LNX2: variants seen among roughly 807,000 people sequenced by gnomAD.
LNX2 encodes the protein ligand of numb-protein X 2, also known as ligand of Numb protein X 2.
A neutral mutation model predicts 66.2 loss-of-function variants in LNX2; 35 were observed. The observed-to-expected ratio is 0.53, with a 90% CI of 0.40 to 0.70. LNX2 has a LOEUF of 0.70. Among genes scored for constraint, LNX2 ranks in the 30% least tolerant of loss-of-function variants. The probability of loss-of-function intolerance (pLI) is 0.00; values close to 1 mark genes in which losing one functional copy is unlikely to be tolerated. For missense variants in LNX2, 791 were observed against 850.8 expected, an observed-to-expected ratio of 0.93 and a Z score of 0.87; for synonymous variants, 337 against 315.6, an observed-to-expected ratio of 1.07 and a Z score of -0.72.
intron 2 of LNX2, among the ~76,000 whole-genome samples, chr13:27,578,143 G>A (rs573509775): frequency 2.3e-4 from 35 of 152,080 alleles, no homozygotes; most frequent in Non-Finnish European, 4.0e-4. Flanking sequence ...TTTGTTAAGG[G>A]CAGGATTTCA....
At chr13:27,583,980 T>A (rs1955455080) in intron 1 of LNX2, among the ~76,000 whole-genome samples, 1 of 150,046 alleles carries the variant, frequency 6.7e-6, no homozygotes, top group South Asian at 2.1e-4. Context: ...AGAGAAAAAA[T>A]GGACAAGGGC....
At chr13:27,583,720 A>C (rs980130079) in intron 1 of LNX2, among the ~76,000 whole-genome samples, 6 of 152,218 alleles carry the variant, frequency 3.9e-5, no homozygotes, top group Admixed American at 2.0e-4. Context: ...AAATATTTAC[A>C]TAAGAAGAGA....
At chr13:27,597,250 A>T (rs1317741393) in intron 1 of LNX2, among the ~76,000 whole-genome samples, 1 of 152,212 alleles carries the variant, frequency 6.6e-6, no homozygotes, top group Non-Finnish European at 1.5e-5. Context: ...CTGCTATGAC[A>T]TATAGGAGAG....
intron 1 of LNX2, among the ~76,000 whole-genome samples, chr13:27,585,574 G>A (rs753481482): frequency 2.0e-5 from 3 of 152,046 alleles, no homozygotes; most frequent in Non-Finnish European, 4.4e-5. Context: ...TTTGAGCATC[G>A]TAACTTTTAA....
At chr13:27,550,634 A>G (rs1954996940) in intron 8 of LNX2, 143 bp from the exon 9 acceptor site, 1 of 649,094 alleles carries the variant, frequency 1.5e-6, no homozygotes, top group South Asian at 2.2e-5. Context: ...TATTTTGACA[A>G]TCCATCTTCT....
chr13:27,608,689 A>T (rs995747532), intron 1 of LNX2, among the ~76,000 whole-genome samples: 1 of 152,230 alleles, frequency 6.6e-6, no homozygotes, highest in Non-Finnish European at 1.5e-5. Flanking sequence ...GATATTGCTA[A>T]ATTTTAAATT....
chr13:27,612,161 G>A (rs538332005), intron 1 of LNX2, among the ~76,000 whole-genome samples: 1 of 152,322 alleles, frequency 6.6e-6, no homozygotes, highest in African/African-American at 2.4e-5. Context: ...AGACTATATA[G>A]AAGAGGTGGA....
At chr13:27,580,745 T>C (rs73446868) in intron 2 of LNX2, among the ~76,000 whole-genome samples, 1,732 of 152,330 alleles carry the variant, frequency 0.011, 35 homozygotes, top group African/African-American at 0.039. Context: ...AATGTATTTA[T>C]TTCCATATTG....
chr13:27,551,462 C>T (rs896585663), intron 8 of LNX2, among the ~76,000 whole-genome samples: 4 of 151,394 alleles, frequency 2.6e-5, no homozygotes, highest in African/African-American at 9.7e-5. Flanking sequence ...TGAGTAAAAT[C>T]TTAAAAACAA....
At chr13:27,567,095 T>A (rs1955215298) in intron 4 of LNX2, among the ~76,000 whole-genome samples, 2 of 151,880 alleles carry the variant, frequency 1.3e-5, no homozygotes, top group Admixed American at 1.3e-4. Flanking sequence ...AGAGTTAGAG[T>A]GTTTGCTGAG....
chr13:27,570,914 T>C (rs1035307312), intron 2 of LNX2, among the ~76,000 whole-genome samples: 7 of 152,286 alleles, frequency 4.6e-5, no homozygotes, highest in African/African-American at 4.8e-5. Context: ...AAACGAAATA[T>C]GTAAGGCCTA....
Position 27,575,794 on chromosome 13 carries a change from G to A in LNX2, c.407+5503C>T, listed in dbSNP as rs143348665. ...AGCTGGTATTCATTTAAAATAGACTGCTATAAACTAGGATGTTAATTGTAA... is the reference window on the plus strand; with the variant it reads ...AGCTGGTATTCATTTAAAATAGACTACTATAAACTAGGATGTTAATTGTAA... On this transcript the variant is annotated intron_variant, in intron 2 of 9. Transcript: ENST00000316334. 3.1e-3 allele frequency among the ~76,000 whole-genome samples: 478 copies of A among 152,192 alleles called. 2 individuals are homozygous for A. Among genetic ancestry groups the A allele is most frequent in the African/African-American group, 0.011 (455 of 41,522 alleles).
intron 1 of LNX2, among the ~76,000 whole-genome samples, chr13:27,612,334 C>T (rs979972047): frequency 2.0e-5 from 3 of 152,196 alleles, no homozygotes; most frequent in Non-Finnish European, 1.5e-5. Flanking sequence ...CCACCTCCTC[C>T]CCCTCCCTCA....
Position 27,583,211 on chromosome 13 carries a change from T to TGCGC in LNX2, c.-100-1409_-100-1408insGCGC, listed in dbSNP as rs1555268472. 5.7e-4 allele frequency among the ~76,000 whole-genome samples: 14 copies of TGCGC among 24,366 alleles called. 2 individuals are homozygous for TGCGC. The East Asian group carries it at 8.5e-3, about 15-fold the overall frequency. 16.0% of individuals were successfully genotyped at this position (24,366 alleles called of 152,430 possible). A position where few individuals can be genotyped will look rare whatever the true frequency, so the allele number is the denominator to read the frequency against. On this transcript the variant is annotated intron_variant, in intron 1 of 9. Transcript: ENST00000316334. ...GTGTGTGTGTGTGTGTGTGTGTGTG[T>TGCGC]GTGTGTGTGTGTGTGTGTGTGTGTG...
intron 1 of LNX2, among the ~76,000 whole-genome samples, chr13:27,616,008 T>C (rs1021952616): frequency 5.3e-5 from 8 of 152,148 alleles, no homozygotes; most frequent in African/African-American, 4.8e-5. Context: ...TGAGTGACCA[T>C]GGCCCATGAC....
Position 27,553,277 on chromosome 13 carries a change from C to T in LNX2, c.1709G>A (p.Ser570Asn), listed in dbSNP as rs1295108068. Reference protein sequence around the residue: ...EATQNAEEQPSTFSENEYDAS... With the variant: ...EATQNAEEQPNTFSENEYDAS... Reference sequence around the variant, plus strand: ...ATCATACTCATTTTCGCTGAAAGTACTCGGCTGCTCCTCCGCGTTCTGAGT... The same window carrying T: ...ATCATACTCATTTTCGCTGAAAGTATTCGGCTGCTCCTCCGCGTTCTGAGT... Residue 570 changes from serine to asparagine, a missense_variant, in exon 8 of 10, where the codon AGT becomes AAT. Ser to Asn is a conservative substitution (Grantham distance 46). Transcript: ENST00000316334. 1 of 1,614,048 alleles carries T rather than the reference C, an allele frequency of 6.2e-7. No homozygotes were observed. Among genetic ancestry groups the T allele is most frequent in the Non-Finnish European group, 8.5e-7 (1 of 1,180,036 alleles).
rs980477744 is a variant in LNX2, at chr13:27,547,316, T to G, written c.*1019A>C. 1 of 152,222 alleles carries G rather than the reference T, an allele frequency of 6.6e-6. No homozygotes were observed. Among genetic ancestry groups the G allele is most frequent in the African/African-American group, 2.4e-5 (1 of 41,468 alleles). The allele number at this position is 152,222 out of a possible 1,614,324, so 9.4% of individuals were successfully genotyped here. ...TCTGGAAATAGATTTTTAATGCTTT[T>G]GGGCTGTTCAAGTAAGTGCAGCTTT... On this transcript the variant is annotated 3_prime_UTR_variant, in exon 10 of 10. Coordinates refer to ENST00000316334, the MANE Select transcript of LNX2 (RefSeq NM_153371.4).
intron 1 of LNX2, among the ~76,000 whole-genome samples, chr13:27,588,021 C>CAAAAAAAAAAAAAAAAAAAAAAAA (rs56812051): frequency 6.4e-5 from 6 of 93,532 alleles, no homozygotes; most frequent in African/African-American, 1.1e-4. Flanking sequence ...ACTCTTGTCA[C>CAAAAAAAAAAAAAAAAAAAAAAAA]AAAAAAAAAA....
rs1183020873 is a variant in LNX2, at chr13:27,581,657, G to A, written c.47C>T (p.Ser16Phe). Residue 16 changes from serine (S) to phenylalanine (F), a missense_variant, in exon 2 of 10, where the codon TCC (serine) becomes TTC (phenylalanine). Coordinates refer to ENST00000316334, the MANE Select transcript of LNX2 (RefSeq NM_153371.4). Reference protein sequence around the residue: ...DEMVSVEQTSSSSLNPLCFEC... With the variant: ...DEMVSVEQTSFSSLNPLCFEC... Reference sequence around the variant, plus strand: ...AAAACACAGGGGGTTTAGAGAAGAGGAGGAGGTCTGTTCCACAGACACCAT... The same window carrying A: ...AAAACACAGGGGGTTTAGAGAAGAGAAGGAGGTCTGTTCCACAGACACCAT... 13 of 1,613,646 alleles carry A rather than the reference G, an allele frequency of 8.1e-6. No individual in the cohort carries two copies. The highest frequency in any genetic ancestry group is 1.1e-5 in the Non-Finnish European group (13 of 1,179,764).
Sources: gnomAD v4.1 joint callset for allele counts (sites outside exome capture counted in the v4.1 genomes callset) on GRCh38, gnomAD v4.1.1 for gene constraint, MANE v1.5 for transcripts, NCBI Gene and HGNC (gene_info 2026-07-23, HGNC 2026-07-21) for gene names.